The following CTNND2 variants were observed in gnomAD, a reference collection of about 807,000 sequenced individuals.
The protein encoded by CTNND2 is catenin delta 2.
CTNND2 carries 22 observed loss-of-function variants against 144.4 expected under a neutral mutation model. That is an observed-to-expected ratio of 0.15 (90% CI 0.11 to 0.22). The LOEUF is 0.22. Ranked by LOEUF, CTNND2 falls within the 10% of genes least tolerant of loss-of-function variation. CTNND2 has a pLI of 1.00. For synonymous variants in CTNND2, 751 were observed against 695.6 expected (o/e 1.08, Z -1.25); for missense variants, 1,353 against 1,618.8 (o/e 0.84, Z 2.82).
Position 11,904,401 on chromosome 5 carries a change from C to A in CTNND2, c.-548G>T, listed in dbSNP as rs535620924. 1.8e-3 allele frequency among the ~76,000 whole-genome samples: 279 copies of A among 151,730 alleles called. 1 individual carries two copies. Among genetic ancestry groups the A allele is most frequent in the Non-Finnish European group, 3.2e-3 (218 of 67,868 alleles). ...CTCGGCGGCCGGCCCGGGCGCCCGGCTAGTGAGGGAGCGTCCGCCCCGCCG... is the reference window on the plus strand; with the variant it reads ...CTCGGCGGCCGGCCCGGGCGCCCGGATAGTGAGGGAGCGTCCGCCCCGCCG... On this transcript the variant is annotated 5_prime_UTR_variant, in exon 1 of 22. Coordinates refer to ENST00000304623, the MANE Select transcript of CTNND2 (RefSeq NM_001332.4). The surrounding 1 kb of genome is among the most constrained non-coding windows in gnomAD (Gnocchi z 4.2).
chr5:11,332,428 G>A (rs1303941416), intron 9 of CTNND2, among the ~76,000 whole-genome samples: 1 of 152,054 alleles, frequency 6.6e-6, no homozygotes, highest in African/African-American at 2.4e-5. Context: ...GTCTATAGGA[G>A]GCAGTGCCTG....
intron 3 of CTNND2, among the ~76,000 whole-genome samples, chr5:11,555,180 T>A (rs1275790827): frequency 6.6e-6 from 1 of 152,176 alleles, no homozygotes; most frequent in Non-Finnish European, 1.5e-5. Context: ...GCCACTGGTT[T>A]CGCATATGCT....
chr5:11,829,266 T>C (rs1793761861), intron 1 of CTNND2, among the ~76,000 whole-genome samples: 1 of 152,168 alleles, frequency 6.6e-6, no homozygotes, highest in Admixed American at 6.5e-5. Flanking sequence ...GAAATTTATA[T>C]AAGTAATGAA....
intron 10 of CTNND2, among the ~76,000 whole-genome samples, chr5:11,210,361 G>A (rs775115946): frequency 1.3e-5 from 2 of 152,134 alleles, no homozygotes; most frequent in Non-Finnish European, 2.9e-5. Context: ...TCTTGCCACT[G>A]TACTCCAGCC....
chr5:11,508,315 G>T (rs1380420519), intron 3 of CTNND2: 1 of 152,130 alleles, frequency 6.6e-6, no homozygotes, highest in African/African-American at 2.4e-5. Context: ...AGGCTGATGT[G>T]GGATCTGACT....
At chr5:11,085,057 C>A (rs1029464291) in intron 15 of CTNND2, among the ~76,000 whole-genome samples, 1 of 152,142 alleles carries the variant, frequency 6.6e-6, no homozygotes, top group African/African-American at 2.4e-5. Context: ...ATGGACATAA[C>A]TTTGTCCTTA....
intron 3 of CTNND2, among the ~76,000 whole-genome samples, chr5:11,545,992 A>G (rs575514036): frequency 3.3e-5 from 5 of 152,186 alleles, no homozygotes; most frequent in Non-Finnish European, 7.4e-5. Flanking sequence ...AACTAAAAAT[A>G]AAGTCCTTAT....
intron 1 of CTNND2, among the ~76,000 whole-genome samples, chr5:11,753,967 G>A (rs1788766805): frequency 6.6e-6 from 1 of 151,240 alleles, no homozygotes; most frequent in South Asian, 2.1e-4. Flanking sequence ...TGTGCATAGA[G>A]GTGTTTGTAG....
intron 2 of CTNND2, among the ~76,000 whole-genome samples, chr5:11,707,383 G>A (rs1014214056): frequency 5.3e-5 from 8 of 152,110 alleles, no homozygotes; most frequent in East Asian, 1.9e-4. Context: ...GAATATACCC[G>A]TTGTCTCCAT....
chr5:11,879,905 C>T (rs543246785), intron 1 of CTNND2, among the ~76,000 whole-genome samples: 119 of 152,246 alleles, frequency 7.8e-4, no homozygotes, highest in African/African-American at 1.8e-3. Flanking sequence ...ATGGCCCACT[C>T]GGCCTGACGA....
intron 10 of CTNND2, among the ~76,000 whole-genome samples, chr5:11,214,636 C>T (rs1455855538): frequency 6.6e-6 from 1 of 152,156 alleles, no homozygotes; most frequent in East Asian, 1.9e-4. Context: ...TCTAATGATT[C>T]CTGCCACATT....
chr5:11,012,608 T>C (rs1020378143), intron 18 of CTNND2, among the ~76,000 whole-genome samples: 1 of 152,202 alleles, frequency 6.6e-6, no homozygotes, highest in African/African-American at 2.4e-5. Context: ...GCCAGAGGGC[T>C]GCCGGAAGTC....
chr5:11,288,961 G>A (rs948211951), intron 9 of CTNND2, among the ~76,000 whole-genome samples: 5 of 152,112 alleles, frequency 3.3e-5, no homozygotes, highest in Middle Eastern at 3.4e-3. Context: ...TGGAAACCCC[G>A]GCAGAGCACA....
intron 1 of CTNND2, among the ~76,000 whole-genome samples, chr5:11,746,961 T>C (rs1352612374): frequency 6.6e-6 from 1 of 152,140 alleles, no homozygotes; most frequent in African/African-American, 2.4e-5. Context: ...AATAGAAATA[T>C]TCAAATTAAT....
intron 2 of CTNND2, among the ~76,000 whole-genome samples, chr5:11,677,746 G>A (rs1784241161): frequency 6.6e-6 from 1 of 152,158 alleles, no homozygotes; most frequent in Non-Finnish European, 1.5e-5. Flanking sequence ...CTACAAGTAA[G>A]TTCTATTTTG....
intron 1 of CTNND2, among the ~76,000 whole-genome samples, chr5:11,840,343 G>T (rs180676814): frequency 1.3e-5 from 2 of 152,248 alleles, no homozygotes; most frequent in African/African-American, 4.8e-5. Context: ...ATGTATTGAA[G>T]ATAATTTTTA....
intron 9 of CTNND2, among the ~76,000 whole-genome samples, chr5:11,313,230 C>T (rs368125245): frequency 2.0e-5 from 3 of 152,102 alleles, no homozygotes; most frequent in African/African-American, 7.2e-5. Flanking sequence ...CTTCCTGTCC[C>T]TCCTCCTCCT....
At chr5:11,377,179 TAG>T (rs1758021455) in intron 7 of CTNND2, among the ~76,000 whole-genome samples, 1 of 151,868 alleles carries the variant, frequency 6.6e-6, no homozygotes, top group South Asian at 2.1e-4. Flanking sequence ...GCCTCCTGAG[TAG>T]CTGGGATTAC....
intron 3 of CTNND2, among the ~76,000 whole-genome samples, chr5:11,472,221 G>A (rs1453834276): frequency 1.3e-5 from 2 of 152,078 alleles, no homozygotes; most frequent in African/African-American, 4.8e-5. Flanking sequence ...CTCAACTGTT[G>A]TAAATTCTTC....
Sources: allele counts gnomAD v4.1 joint callset (sites outside exome capture counted in the v4.1 genomes callset), GRCh38; gene constraint gnomAD v4.1.1; non-coding constraint Gnocchi (gnomAD v3.1); transcripts MANE v1.5; gene names NCBI Gene and HGNC (gene_info 2026-07-23, HGNC 2026-07-21).